Variants in PPM1H observed in about 807,000 individuals in gnomAD.
PPM1H encodes the protein protein phosphatase 1H.
In PPM1H, 27 loss-of-function variants were observed where a neutral mutation model predicts 54.9. The observed-to-expected ratio is 0.49, with a 90% CI of 0.36 to 0.68. PPM1H has a LOEUF of 0.68. PPM1H is among the 30% of genes least tolerant of loss of function. The probability of loss-of-function intolerance (pLI) is 0.00; values close to 1 mark genes in which losing one functional copy is unlikely to be tolerated. For synonymous variants in PPM1H, 305 were observed against 270.8 expected, an observed-to-expected ratio of 1.13 and a Z score of -1.24; for missense variants, 596 against 667.8, an observed-to-expected ratio of 0.89 and a Z score of 1.19.
chr12:62,666,998 C>T (rs962612859), intron 9 of PPM1H, among the ~76,000 whole-genome samples, 180 bp downstream of exon 9: 10 of 152,168 alleles, frequency 6.6e-5, no homozygotes, highest in Admixed American at 2.0e-4. Context: ...AGGCATGAGA[C>T]GCCACACCTG....
At chr12:62,893,034 G>C (rs1380883715) in intron 1 of PPM1H, among the ~76,000 whole-genome samples, 2 of 152,202 alleles carry the variant, frequency 1.3e-5, no homozygotes, top group East Asian at 3.8e-4. Context: ...TTGGGCTACA[G>C]TCTAGAGAAG....
At chr12:62,909,855 C>A (rs1308118095) in intron 1 of PPM1H, among the ~76,000 whole-genome samples, 1 of 152,210 alleles carries the variant, frequency 6.6e-6, no homozygotes, top group Non-Finnish European at 1.5e-5. Flanking sequence ...AAGAATGCGT[C>A]TCAAAGTATT....
intron 4 of PPM1H, among the ~76,000 whole-genome samples, chr12:62,770,152 T>C (rs536323112): frequency 3.3e-5 from 5 of 152,134 alleles, no homozygotes; most frequent in African/African-American, 4.8e-5. Flanking sequence ...TGGGGGATAA[T>C]ATTACTAATG....
intron 6 of PPM1H, among the ~76,000 whole-genome samples, chr12:62,709,199 G>A (rs1448552604): frequency 3.3e-5 from 5 of 152,128 alleles, no homozygotes; most frequent in Admixed American, 2.0e-4. Context: ...AACTGCACAC[G>A]AAGGGCTAAA....
chr12:62,782,043 T>C (rs1008404217), intron 4 of PPM1H, among the ~76,000 whole-genome samples: 1 of 152,170 alleles, frequency 6.6e-6, no homozygotes, highest in African/African-American at 2.4e-5. Flanking sequence ...ATTTTTCAAA[T>C]ACATGCCAAA....
intron 1 of PPM1H, among the ~76,000 whole-genome samples, chr12:62,867,431 TCCTG>T (rs1869815384): frequency 6.6e-6 from 1 of 152,016 alleles, no homozygotes. Context: ...GAATTCACCT[TCCTG>T]CCTCCTCCCA....
rs185685136 is a variant in PPM1H at position 62,766,241 on chromosome 12, T to C, written c.869+21985A>G. Among the ~76,000 whole-genome samples the C allele has an allele frequency of 9.9e-5, 15 of 152,270 alleles. No homozygotes were observed. In the East Asian group the frequency reaches 2.9e-3, roughly 29 times the overall value. ...TAAGAAAACAGGAGAGAGGGCTCTA[T>C]TGGGGAAAAGAAAACTATGCTAGTT... On this transcript the variant is annotated intron_variant, in intron 4 of 9. Transcript: ENST00000228705.
chr12:62,705,673 C>T (rs1286296084), intron 6 of PPM1H, among the ~76,000 whole-genome samples: 4 of 152,148 alleles, frequency 2.6e-5, no homozygotes, highest in African/African-American at 9.7e-5. Flanking sequence ...GCCGTAACAG[C>T]TTCATATTCT....
rs537398947 is a variant in PPM1H, at chr12:62,739,099, G to A, written c.870-1513C>T. ...TCTAGGAAAAAAAAAAACAGTGGAA[G>A]CTGTGAGAAAATGGAAAAGTTTAGG... On this transcript the variant is annotated intron_variant, in intron 4 of 9. Coordinates refer to ENST00000228705, the MANE Select transcript of PPM1H (RefSeq NM_020700.2). Among the ~76,000 whole-genome samples the A allele has an allele frequency of 4.1e-3, 627 of 152,048 alleles. 1 individual carries two copies. The highest frequency in any genetic ancestry group is 1.0e-2 in the South Asian group (48 of 4,816).
chr12:62,871,455 T>C (rs1375005269), intron 1 of PPM1H, among the ~76,000 whole-genome samples: 2 of 151,770 alleles, frequency 1.3e-5, no homozygotes, highest in Non-Finnish European at 2.9e-5. Flanking sequence ...GTTCTAGAAT[T>C]AGTGGTAGTG....
chr12:62,880,563 C>CA (rs1337542451), intron 1 of PPM1H, among the ~76,000 whole-genome samples: 8 of 152,136 alleles, frequency 5.3e-5, no homozygotes. Context: ...GTCGTGATTA[C>CA]CCTCCATCAG....
At chr12:62,828,363 C>T (rs571640199) in intron 2 of PPM1H, among the ~76,000 whole-genome samples, 11 of 152,334 alleles carry the variant, frequency 7.2e-5, no homozygotes, top group African/African-American at 1.4e-4. Context: ...GACCTCCTTC[C>T]TAAACCCTGA....
intron 1 of PPM1H, among the ~76,000 whole-genome samples, chr12:62,932,881 C>T (rs1406211428): frequency 6.6e-6 from 1 of 151,968 alleles, no homozygotes; most frequent in East Asian, 1.9e-4. Context: ...GTGATCCGCC[C>T]GCCTCGGCCT....
intron 4 of PPM1H, among the ~76,000 whole-genome samples, chr12:62,760,559 C>A (rs1422906888): frequency 6.6e-6 from 1 of 152,218 alleles, no homozygotes; most frequent in Non-Finnish European, 1.5e-5. Flanking sequence ...TCTCCCCCAC[C>A]TGCTCAACAA....
chr12:62,654,127 C>T (rs963587087), intron 9 of PPM1H, among the ~76,000 whole-genome samples: 1 of 141,250 alleles, frequency 7.1e-6, no homozygotes, highest in African/African-American at 2.6e-5. Context: ...CCCAGCTACT[C>T]GGGAGGCTGA....
At chr12:62,851,261 T>C (rs1354353542) in intron 1 of PPM1H, among the ~76,000 whole-genome samples, 16 of 152,084 alleles carry the variant, frequency 1.1e-4, no homozygotes, top group Admixed American at 9.8e-4. Context: ...TCAAAGATAA[T>C]AGGGCATTTC....
intron 1 of PPM1H, among the ~76,000 whole-genome samples, chr12:62,902,747 C>T (rs1160914657): frequency 6.6e-6 from 1 of 152,214 alleles, no homozygotes; most frequent in African/African-American, 2.4e-5. Flanking sequence ...CAATGCCTGG[C>T]ATATACTGAA....
rs1226638697 is a variant in PPM1H at position 62,647,185 on chromosome 12, G to A, written c.*1304C>T. On this transcript the variant is annotated 3_prime_UTR_variant, in exon 10 of 10. Coordinates refer to ENST00000228705, the MANE Select transcript of PPM1H (RefSeq NM_020700.2). Reference sequence around the variant, plus strand: ...CTGTGCCTGCTGCTGCTGCTCTTGTGGCGAACACTCAGATGTGGAACCATA... The same window carrying A: ...CTGTGCCTGCTGCTGCTGCTCTTGTAGCGAACACTCAGATGTGGAACCATA... 6.6e-6 allele frequency: 1 copy of A among 152,284 alleles called. No homozygotes were observed. Among genetic ancestry groups the A allele is most frequent in the Non-Finnish European group, 1.5e-5 (1 of 68,088 alleles). 9.4% of individuals were successfully genotyped at this position (152,284 alleles called of 1,614,324 possible). A position where few individuals can be genotyped will look rare whatever the true frequency, so the allele number is the denominator to read the frequency against.
intron 2 of PPM1H, among the ~76,000 whole-genome samples, chr12:62,829,898 G>T (rs1868331668): frequency 3.3e-5 from 5 of 152,226 alleles, no homozygotes; most frequent in Admixed American, 3.3e-4. Context: ...GGGGCAGGGG[G>T]AAAATATCAG....
Sources: gnomAD v4.1 joint callset for allele counts (sites outside exome capture counted in the v4.1 genomes callset) on GRCh38, gnomAD v4.1.1 for gene constraint, MANE v1.5 for transcripts, NCBI Gene and HGNC (gene_info 2026-07-23, HGNC 2026-07-21) for gene names.